Variants in ARID2 observed in about 807,000 individuals in gnomAD.
ARID2 encodes the protein AT-rich interactive domain-containing protein 2.
Under a neutral mutation model 184.6 loss-of-function variants are expected in ARID2, and 32 were observed. The ratio of observed to expected loss-of-function variants is 0.17; its 90% CI spans 0.13 to 0.23. ARID2 has a LOEUF of 0.23. Among genes scored for constraint, ARID2 ranks in the 10% least tolerant of loss-of-function variants. The pLI is 1.00. For missense variants in ARID2, 1,696 were observed against 2,197.6 expected (o/e 0.77, Z 4.56); for synonymous variants, 836 against 772.6 (o/e 1.08, Z -1.36).
chr12:45,905,887 G>A lies in ARID2; in HGVS notation c.*809G>A. 4.3e-6 allele frequency: 1 copy of A among 230,462 alleles called. No homozygotes were observed. Among genetic ancestry groups the A allele is most frequent in the Non-Finnish European group, 8.5e-6 (1 of 117,046 alleles). The allele number at this position is 230,462 out of a possible 1,614,324, so 14.3% of individuals were successfully genotyped here. A position where few individuals can be genotyped will look rare whatever the true frequency, so the allele number is the denominator to read the frequency against. ...GTGTAAATACTTCTGCAAAGGTACT[G>A]ATGCTGTAAAGTCAAAACAGTTTTG... On this transcript the variant is annotated 3_prime_UTR_variant, in exon 21 of 21. Transcript: ENST00000334344.
At chr12:45,792,213 C>G (rs1297339743) in intron 3 of ARID2, among the ~76,000 whole-genome samples, 1 of 152,094 alleles carries the variant, frequency 6.6e-6, no homozygotes. Flanking sequence ...CTGCTTTTAG[C>G]TTGTTCCCAC....
intron 3 of ARID2, among the ~76,000 whole-genome samples, chr12:45,752,271 A>T (rs1443941946): frequency 1.3e-5 from 2 of 152,210 alleles, no homozygotes; most frequent in East Asian, 3.8e-4. Context: ...ATTGAACCTT[A>T]ATAAATGCTG....
intron 3 of ARID2, among the ~76,000 whole-genome samples, chr12:45,768,040 G>T (rs1283510009): frequency 2.0e-5 from 3 of 152,154 alleles, no homozygotes; most frequent in Non-Finnish European, 2.9e-5. Context: ...CTAAAACTTG[G>T]TAAGAACATT....
intron 3 of ARID2, among the ~76,000 whole-genome samples, chr12:45,735,758 GTTAGTGT>G: frequency 6.6e-6 from 1 of 152,280 alleles, no homozygotes; most frequent in Non-Finnish European, 1.5e-5. Flanking sequence ...GCTCAGCTAG[GTTAGTGT>G]TATGTCTTAG....
chr12:45,746,521 CTT>C (rs1941358485), intron 3 of ARID2, among the ~76,000 whole-genome samples: 1 of 151,922 alleles, frequency 6.6e-6, no homozygotes, highest in Non-Finnish European at 1.5e-5. Context: ...TCTTATGAAA[CTT>C]TAATAGTATA....
chr12:45,761,050 C>A (rs1308889761), intron 3 of ARID2, among the ~76,000 whole-genome samples: 1 of 152,058 alleles, frequency 6.6e-6, no homozygotes, highest in Non-Finnish European at 1.5e-5. Context: ...TACACTTAAA[C>A]TGAGAATATG....
Position 45,821,471 on chromosome 12 carries a change from A to C in ARID2, c.689A>C (p.Asp230Ala). Reference protein sequence around the residue: ...VFGEEWKEKTDRDFVKFWKDI... With the variant: ...VFGEEWKEKTARDFVKFWKDI... ...GGAGAAGAATGGAAAGAGAAGACTG[A>C]TAGAGACTTCGTTAAGGTAAATCAT... The change falls in exon 6 of 21, where the codon GAT becomes GCT. Residue 230 changes from aspartate to alanine, a missense_variant. Around this residue, in one of 11 missense-constraint regions of ARID2, gnomAD observed 148 missense variants for 285.4 expected, o/e 0.52. Coordinates refer to ENST00000334344, the MANE Select transcript of ARID2 (RefSeq NM_152641.4). The C allele has an allele frequency of 2.6e-6, 4 of 1,512,244 alleles. No individual in the cohort carries two copies. The highest frequency in any genetic ancestry group is 3.5e-6 in the Non-Finnish European group (4 of 1,136,628). The allele number at this position is 1,512,244 out of a possible 1,614,324, so 93.7% of individuals were successfully genotyped here.
In ARID2 at chr12:45,905,202, T is replaced by C; in HGVS notation, c.*124T>C. ...GAATGAATTATTTTATCTCCTCCCA[T>C]GATGCTGAGAGGAAGCTTCGTATTC... is the stretch of plus-strand genomic sequence containing the variant. On this transcript the variant is annotated 3_prime_UTR_variant, in exon 21 of 21. Transcript: ENST00000334344. 1 of 959,288 alleles carries C rather than the reference T, an allele frequency of 1.0e-6. No homozygotes were observed. 59.4% of individuals were successfully genotyped at this position (959,288 alleles called of 1,614,324 possible).
intron 20 of ARID2, among the ~76,000 whole-genome samples, chr12:45,898,372 A>G (rs1042311661): frequency 6.6e-6 from 1 of 152,194 alleles, no homozygotes; most frequent in Non-Finnish European, 1.5e-5. Context: ...ATGGTTGTAC[A>G]ACAGTATGAA....
At chr12:45,833,358 A>G (rs1410504904) in intron 6 of ARID2, among the ~76,000 whole-genome samples, 1 of 152,144 alleles carries the variant, frequency 6.6e-6, no homozygotes, top group Middle Eastern at 3.2e-3. Context: ...TTTATTTGCT[A>G]ATTATGTTCA....
chr12:45,774,301 C>A (rs1297735740), intron 3 of ARID2, among the ~76,000 whole-genome samples: 1 of 151,204 alleles, frequency 6.6e-6, no homozygotes, highest in Non-Finnish European at 1.5e-5. Context: ...AGGTCTGTTA[C>A]AAGAATAAAG....
intron 20 of ARID2, among the ~76,000 whole-genome samples, chr12:45,896,923 C>CA (rs577536164): frequency 6.6e-6 from 1 of 151,954 alleles, no homozygotes; most frequent in Non-Finnish European, 1.5e-5. Context: ...TAATCTTACT[C>CA]AAAAAAAGAA....
intron 10 of ARID2, 89 bp downstream of exon 10, chr12:45,837,796 G>A: frequency 8.2e-7 from 1 of 1,223,292 alleles, no homozygotes; most frequent in Non-Finnish European, 1.1e-6. Context: ...TATATTTGAG[G>A]TTTAGTGTTT....
chr12:45,882,017 CACA>C (rs1044787984), intron 16 of ARID2: 24 of 181,326 alleles, frequency 1.3e-4, no homozygotes, highest in Non-Finnish European at 1.3e-4. Flanking sequence ...CTGTCTGTCA[CACA>C]ACATGGCCTC....
chr12:45,745,891 G>C (rs1319615395), intron 3 of ARID2, among the ~76,000 whole-genome samples: 1 of 151,778 alleles, frequency 6.6e-6, no homozygotes, highest in Admixed American at 6.6e-5. Context: ...TACTAAGAGA[G>C]AAAAAACACT....
chr12:45,783,641 C>T lies in ARID2; in HGVS notation c.285-27777C>T, dbSNP rs555872122. On this transcript the variant is annotated intron_variant, in intron 3 of 20. Coordinates refer to ENST00000334344, the MANE Select transcript of ARID2 (RefSeq NM_152641.4). ...CTAAATCTTTTGCATGCGCAGTTCACAGTAGGGTTCACGCTCCTTTGAGAA... is the reference window on the plus strand; with the variant it reads ...CTAAATCTTTTGCATGCGCAGTTCATAGTAGGGTTCACGCTCCTTTGAGAA... Among the ~76,000 whole-genome samples, 12 of 152,356 alleles carry T rather than the reference C, an allele frequency of 7.9e-5. No individual in the cohort carries two copies. In the South Asian group the frequency reaches 2.5e-3, roughly 32 times the overall value.
chr12:45,751,116 A>G (rs1449340511), intron 3 of ARID2, among the ~76,000 whole-genome samples: 1 of 152,212 alleles, frequency 6.6e-6, no homozygotes, highest in Non-Finnish European at 1.5e-5. Context: ...ATGCTAGCTA[A>G]TAGCACAAGG....
At chr12:45,856,473 T>A (rs1943653578) in intron 15 of ARID2, among the ~76,000 whole-genome samples, 1 of 152,200 alleles carries the variant, frequency 6.6e-6, no homozygotes, top group Non-Finnish European at 1.5e-5. Flanking sequence ...ATAGAGGATT[T>A]TAATTGTGAT....
intron 2 of ARID2, among the ~76,000 whole-genome samples, chr12:45,730,536 GGAGACACACA>G (rs1172642141): frequency 2.0e-5 from 3 of 151,854 alleles, no homozygotes; most frequent in Non-Finnish European, 2.9e-5. Flanking sequence ...TAGCACAGGC[GGAGACACACA>G]GAGACACACA....
Sources: gnomAD v4.1 joint callset for allele counts (sites outside exome capture counted in the v4.1 genomes callset) on GRCh38, gnomAD v4.1.1 for gene constraint, gnomAD v4.1.1 regional missense constraint, MANE v1.5 for transcripts, NCBI Gene and HGNC (gene_info 2026-07-23, HGNC 2026-07-21) for gene names.